The following CELF2 variants were observed in gnomAD, a reference collection of about 807,000 sequenced individuals.
CELF2 encodes the protein CUG triplet repeat RNA-binding protein 2.
Under a neutral mutation model 62.6 loss-of-function variants are expected in CELF2, and 8 were observed. The observed-to-expected ratio is 0.13, with a 90% CI of 0.07 to 0.23. The LOEUF is 0.23. CELF2 is among the 10% of genes least tolerant of loss of function. The pLI is 1.00. For missense variants in CELF2, 333 were observed against 671.0 expected (o/e 0.50, Z 5.56); for synonymous variants, 258 against 250.0 (o/e 1.03, Z -0.30).
At chr10:11,158,032 A>C (rs6602478) in intron 1 of CELF2, among the ~76,000 whole-genome samples, 2,313 of 152,240 alleles carry the variant, frequency 0.015, 52 homozygotes, top group African/African-American at 0.052. Flanking sequence ...ATCATTCTTC[A>C]TCTTGGGAAG....
At chr10:11,113,141 A>G (rs551289469) in intron 1 of CELF2, among the ~76,000 whole-genome samples, 2 of 152,256 alleles carry the variant, frequency 1.3e-5, no homozygotes, top group Non-Finnish European at 2.9e-5. Flanking sequence ...GAGTGAATCA[A>G]TATCTTCTTA....
intron 1 of CELF2, among the ~76,000 whole-genome samples, chr10:10,838,338 G>A (rs1441936921): frequency 6.6e-6 from 1 of 152,136 alleles, no homozygotes; most frequent in Admixed American, 6.5e-5. Context: ...GTCCACCTCA[G>A]TCATCTGGTG....
At chr10:11,167,349 G>A (rs1219837216) in intron 2 of CELF2, among the ~76,000 whole-genome samples, 4 of 152,218 alleles carry the variant, frequency 2.6e-5, no homozygotes, top group Admixed American at 2.6e-4. Context: ...TAGACCAGAG[G>A]CAGTAAACTA....
chr10:11,294,685 G>A (rs1332274912), intron 9 of CELF2, among the ~76,000 whole-genome samples: 3 of 152,272 alleles, frequency 2.0e-5, no homozygotes, highest in Middle Eastern at 3.4e-3. Context: ...GGCCGAGGCG[G>A]GTGGATCACG....
the CELF2 span, among the ~76,000 whole-genome samples, chr10:10,511,697 A>C: frequency 6.6e-6 from 1 of 152,106 alleles, no homozygotes; most frequent in East Asian, 1.9e-4. Context: ...AATTTCTTTC[A>C]ATCTATCTGC....
In CELF2 at chr10:10,855,153, G is replaced by A. The variant is rs550219998; in HGVS notation, c.53+56336G>A. Among the ~76,000 whole-genome samples, 42 of 152,302 alleles carry A rather than the reference G, an allele frequency of 2.8e-4. No homozygotes were observed. In the South Asian group the frequency reaches 8.7e-3, roughly 32 times the overall value. ...GTGAGAATCTGCATGGGACACACAA[G>A]CTTGATCAGTTTTCTCAGTGCTCAC... is the stretch of plus-strand genomic sequence containing the variant. On this transcript the variant is annotated intron_variant, in intron 1 of 13. Coordinates refer to the CELF2 transcript ENST00000636488.
At chr10:10,546,983 T>A in the CELF2 span, among the ~76,000 whole-genome samples, 1 of 152,074 alleles carries the variant, frequency 6.6e-6, no homozygotes, top group Non-Finnish European at 1.5e-5. Context: ...GGCATGCGCC[T>A]GTGATCCCAA....
chr10:10,504,026 A>G, the CELF2 span, among the ~76,000 whole-genome samples: 2 of 152,062 alleles, frequency 1.3e-5, no homozygotes, highest in East Asian at 3.9e-4. Context: ...GTCCTCTTAC[A>G]ACACCCCTGT....
chr10:10,826,171 C>CA (rs1410075230), intron 1 of CELF2, among the ~76,000 whole-genome samples: 147 of 142,762 alleles, frequency 1.0e-3, no homozygotes, highest in African/African-American at 2.7e-3. Flanking sequence ...TTGGATGGGG[C>CA]AAAAAAAAAA....
At chr10:11,126,566 T>C (rs1490703448) in intron 1 of CELF2, among the ~76,000 whole-genome samples, 5 of 152,220 alleles carry the variant, frequency 3.3e-5, no homozygotes, top group Non-Finnish European at 7.4e-5. Context: ...TTGATGTATA[T>C]AAAAATTGCC....
the CELF2 span, among the ~76,000 whole-genome samples, chr10:10,645,342 C>T: frequency 6.6e-6 from 1 of 152,158 alleles, no homozygotes; most frequent in Admixed American, 6.5e-5. Flanking sequence ...ACTTTTAAAC[C>T]TTTGTCGCAA....
chr10:11,240,252 T>C (rs1211367499), intron 3 of CELF2, among the ~76,000 whole-genome samples: 1 of 152,216 alleles, frequency 6.6e-6, no homozygotes, highest in Non-Finnish European at 1.5e-5. Context: ...TCCAGGCAGT[T>C]AACATAAAGC....
chr10:10,743,961 T>A, the CELF2 span, among the ~76,000 whole-genome samples: 1 of 152,228 alleles, frequency 6.6e-6, no homozygotes, highest in Non-Finnish European at 1.5e-5. Context: ...GGTATATAAA[T>A]GTAAAATGTT....
chr10:10,976,786 C>G (rs936341163), intron 2 of CELF2, among the ~76,000 whole-genome samples: 1 of 152,172 alleles, frequency 6.6e-6, no homozygotes, highest in Admixed American at 6.5e-5. Flanking sequence ...CAGGGTCTGA[C>G]TTCCTGAAAT....
At chr10:11,326,033 C>T (rs769234705) in intron 12 of CELF2, 54 bp downstream of exon 12, 87 of 1,532,978 alleles carry the variant, frequency 5.7e-5, no homozygotes, top group Non-Finnish European at 7.4e-5. Context: ...AGTGAAGAGT[C>T]GTGGGAAGGA....
At chr10:11,037,075 TAAAG>T (rs10574842) in intron 1 of CELF2, among the ~76,000 whole-genome samples, 84,897 of 151,558 alleles carry the variant, frequency 0.56, 25,518 homozygotes, top group East Asian at 0.86. Context: ...ACACTGCTAA[TAAAG>T]AAAGATGTAC....
chr10:10,728,970 A>C, the CELF2 span, among the ~76,000 whole-genome samples: 1 of 152,206 alleles, frequency 6.6e-6, no homozygotes, highest in South Asian at 2.1e-4. Context: ...TTTCTAAATC[A>C]ATGAAATTAT....
the CELF2 span, among the ~76,000 whole-genome samples, chr10:10,507,160 C>T: frequency 6.6e-6 from 1 of 152,130 alleles, no homozygotes; most frequent in South Asian, 2.1e-4. Context: ...ATGAGCCCTT[C>T]CTTTTCTTTC....
the CELF2 span, among the ~76,000 whole-genome samples, chr10:10,659,957 G>T: frequency 2.0e-5 from 3 of 152,174 alleles, no homozygotes; most frequent in Admixed American, 2.0e-4. Flanking sequence ...GAGAGAGGTG[G>T]CGTGACGACA....
Sources: allele counts gnomAD v4.1 joint callset (sites outside exome capture counted in the v4.1 genomes callset), GRCh38; gene constraint gnomAD v4.1.1; transcripts MANE v1.5; gene names NCBI Gene and HGNC (gene_info 2026-07-23, HGNC 2026-07-21).